TNR: variants seen among roughly 807,000 people sequenced by gnomAD.
TNR encodes tenascin R.
In TNR, 45 loss-of-function variants were observed where a neutral mutation model predicts 150.4. That is an observed-to-expected ratio of 0.30 (90% CI 0.24 to 0.38). The LOEUF (loss-of-function observed/expected upper bound fraction) is 0.38. TNR is among the 10% of genes least tolerant of loss of function. The pLI, the probability that TNR is intolerant of heterozygous loss-of-function variation, is 1.00. For missense variants in TNR, 1,544 were observed against 1,759.1 expected (o/e 0.88, Z 2.19); for synonymous variants, 687 against 678.4 (o/e 1.01, Z -0.20).
In TNR at chr1:175,538,384, G is replaced by A. The variant is rs185690471; in HGVS notation, c.-164-10015C>T. Among the ~76,000 whole-genome samples, 18 of 152,330 alleles carry A rather than the reference G, an allele frequency of 1.2e-4. No homozygotes were observed. In the East Asian group the frequency reaches 2.7e-3, roughly 23 times the overall value. On this transcript the variant is annotated intron_variant, in intron 1 of 22. Coordinates refer to ENST00000367674, the MANE Select transcript of TNR (RefSeq NM_003285.3). ...GTTGAAGATATTTTCCTTACAGTTC[G>A]TTCCCAAATATGGAAGTATAAGAGA...
intron 21 of TNR, 53 bp from the exon 22 acceptor site, chr1:175,324,572 G>A (rs1048519085): frequency 6.3e-7 from 1 of 1,588,312 alleles, no homozygotes; most frequent in Admixed American, 1.7e-5. Flanking sequence ...GCTTTATCAG[G>A]ATTTTCTGGA....
chr1:175,400,261 C>A (rs527713415), intron 4 of TNR, among the ~76,000 whole-genome samples: 1 of 152,238 alleles, frequency 6.6e-6, no homozygotes, highest in East Asian at 1.9e-4. Flanking sequence ...TTTTTCAATT[C>A]TATTCTACTT....
chr1:175,574,892 A>G (rs1357138409), intron 1 of TNR, among the ~76,000 whole-genome samples: 1 of 152,230 alleles, frequency 6.6e-6, no homozygotes, highest in East Asian at 1.9e-4. Flanking sequence ...CTATCAGCCT[A>G]TGTATTTACT....
At chr1:175,449,767 C>G (rs1470387465) in intron 2 of TNR, among the ~76,000 whole-genome samples, 8 of 152,180 alleles carry the variant, frequency 5.3e-5, no homozygotes, top group Non-Finnish European at 1.5e-5. Context: ...TTCACCTGCT[C>G]ATACAGGAGG....
intron 1 of TNR, among the ~76,000 whole-genome samples, chr1:175,564,933 T>C (rs1350947606): frequency 6.6e-6 from 1 of 152,174 alleles, no homozygotes. Context: ...ACCACTAACT[T>C]TGTTTCAAAA....
chr1:175,683,210 C>T (rs960931087), intron 1 of TNR, among the ~76,000 whole-genome samples: 1 of 152,194 alleles, frequency 6.6e-6, no homozygotes, highest in South Asian at 2.1e-4. Flanking sequence ...TGCATGCACA[C>T]ACACACAACA....
chr1:175,367,404 A>G, intron 9 of TNR, 107 bp from the exon 10 acceptor site: 1 of 869,402 alleles, frequency 1.2e-6, no homozygotes, highest in Non-Finnish European at 1.9e-6. Context: ...TCTTGTGTTT[A>G]GTCCTCCTTG....
rs1650852162 is a variant in TNR at position 175,347,517 on chromosome 1, T to C, written c.3382+6874A>G. On this transcript the variant is annotated intron_variant, in intron 18 of 22. Coordinates refer to ENST00000367674, the MANE Select transcript of TNR (RefSeq NM_003285.3). Reference sequence around the variant, plus strand: ...ATCTCGGCTCACAGCAGCCTCCGCCTCCCAGGGTCAAGCGATTCTCCTGTC... The same window carrying C: ...ATCTCGGCTCACAGCAGCCTCCGCCCCCCAGGGTCAAGCGATTCTCCTGTC... Among the ~76,000 whole-genome samples the C allele has an allele frequency of 2.6e-5, 4 of 152,266 alleles. No individual in the cohort carries two copies. In the South Asian group the frequency reaches 8.3e-4, roughly 32 times the overall value.
At chr1:175,417,032 A>AAAGAAAGG (rs1654508402) in intron 2 of TNR, among the ~76,000 whole-genome samples, 2 of 97,730 alleles carry the variant, frequency 2.0e-5, no homozygotes, top group Non-Finnish European at 4.5e-5. Flanking sequence ...AGAAAGAAAG[A>AAAGAAAGG]AAGAAAGAAA....
chr1:175,360,430 G>C (rs1008092204), intron 14 of TNR, among the ~76,000 whole-genome samples: 3 of 152,192 alleles, frequency 2.0e-5, no homozygotes, highest in Non-Finnish European at 4.4e-5. Flanking sequence ...GGTCAAAAGG[G>C]CCTGTTAGAG....
intron 1 of TNR, among the ~76,000 whole-genome samples, chr1:175,540,284 C>A (rs553444650): frequency 1.3e-5 from 2 of 152,198 alleles, no homozygotes; most frequent in African/African-American, 2.4e-5. Flanking sequence ...CCTTTCCCTG[C>A]AGCTGAGCAC....
At chr1:175,699,001 A>G (rs1666611282) in intron 1 of TNR, among the ~76,000 whole-genome samples, 1 of 152,200 alleles carries the variant, frequency 6.6e-6, no homozygotes, top group Admixed American at 6.5e-5. Flanking sequence ...GGGAGTGGGC[A>G]GGCAAGATCA....
At chr1:175,493,923 C>G (rs1248968009) in intron 2 of TNR, among the ~76,000 whole-genome samples, 1 of 152,182 alleles carries the variant, frequency 6.6e-6, no homozygotes, top group Non-Finnish European at 1.5e-5. Context: ...CTGACAGGAG[C>G]CTCCGTGAGA....
intron 7 of TNR, among the ~76,000 whole-genome samples, chr1:175,389,086 A>G (rs1454180577): frequency 6.6e-6 from 1 of 152,242 alleles, no homozygotes; most frequent in Non-Finnish European, 1.5e-5. Context: ...AACATTTCAT[A>G]TCAGAAGAGG....
At chr1:175,482,435 A>T (rs1435175445) in intron 2 of TNR, among the ~76,000 whole-genome samples, 1 of 152,194 alleles carries the variant, frequency 6.6e-6, no homozygotes, top group Non-Finnish European at 1.5e-5. Flanking sequence ...TCTTGCACAC[A>T]CAACAGGAGA....
At chr1:175,331,923 G>C (rs907354269) in intron 20 of TNR, among the ~76,000 whole-genome samples, 1 of 152,316 alleles carries the variant, frequency 6.6e-6, no homozygotes, top group East Asian at 1.9e-4. Context: ...TTGAGACTTA[G>C]AGCTTTACCT....
chr1:175,741,792 G>C (rs770258305), intron 1 of TNR, among the ~76,000 whole-genome samples: 1 of 152,228 alleles, frequency 6.6e-6, no homozygotes, highest in South Asian at 2.1e-4. Context: ...TTGGAGAAGG[G>C]GCCCATTGTG....
At position 175,324,489 on chromosome 1, in the gene TNR, G is replaced by A; in HGVS notation, c.3824C>T (p.Pro1275Leu). ...ATTGTCTCTATCCTCTGTGGAGAAA[G>A]GGCGTCCTTGATGATAGCTGAGGGA... ...GDSLSYHQGR[P>L]FSTEDRDNDV... The change falls in exon 22 of 23, where the codon CCT becomes CTT. Residue 1275 changes from proline (P) to leucine (L), a missense_variant. Pro to Leu is a moderately conservative substitution (Grantham distance 98). Coordinates refer to ENST00000367674, the MANE Select transcript of TNR (RefSeq NM_003285.3). The A allele has an allele frequency of 6.2e-7, 1 of 1,614,040 alleles. No homozygotes were observed. Among genetic ancestry groups the A allele is most frequent in the South Asian group, 1.1e-5 (1 of 91,066 alleles).
At chr1:175,341,598 A>C (rs1026511292) in intron 18 of TNR, among the ~76,000 whole-genome samples, 3 of 152,190 alleles carry the variant, frequency 2.0e-5, no homozygotes, top group Non-Finnish European at 4.4e-5. Context: ...GCTGGGACAG[A>C]CTTTCTCTGT....
Sources: allele counts gnomAD v4.1 joint callset (sites outside exome capture counted in the v4.1 genomes callset), GRCh38; gene constraint gnomAD v4.1.1; transcripts MANE v1.5; gene names NCBI Gene and HGNC (gene_info 2026-07-23, HGNC 2026-07-21).